ROBO4: variants seen among roughly 807,000 people sequenced by gnomAD.
ROBO4 encodes the protein roundabout homolog 4.
In ROBO4, 80 loss-of-function variants were observed where a neutral mutation model predicts 103.3. The observed-to-expected ratio is 0.77, with a 90% CI of 0.65 to 0.93. The LOEUF is 0.93. ROBO4 is among the 40% of genes least tolerant of loss of function. The pLI is 0.00. For missense variants in ROBO4, 1,333 were observed against 1,305.3 expected, an observed-to-expected ratio of 1.02 and a Z score of -0.33; for synonymous variants, 504 against 529.7, an observed-to-expected ratio of 0.95 and a Z score of 0.67.
intron 12 of ROBO4, among the ~76,000 whole-genome samples, chr11:124,889,781 G>A (rs986425153): frequency 6.6e-6 from 1 of 152,100 alleles, no homozygotes; most frequent in Non-Finnish European, 1.5e-5. Flanking sequence ...TTTAGAAGAG[G>A]AAGAAACAGC....
In ROBO4 at chr11:124,891,314, C is replaced by G; in HGVS notation, c.1933G>C (p.Ala645Pro). 5 of 1,517,496 alleles carry G rather than the reference C, an allele frequency of 3.3e-6. No homozygotes were observed. The highest frequency in any genetic ancestry group is 4.4e-6 in the Non-Finnish European group (5 of 1,134,802). 94.0% of individuals were successfully genotyped at this position (1,517,496 alleles called of 1,614,324 possible). ...CCCTCCTTACCCTGCTTCTTTTTGG[C>G]CTTCCAAGCCTCTGCAGGGGCCAGA... Reference protein sequence around the residue: ...LSLAPAEAWKAKKKQELQHAN... With the variant: ...LSLAPAEAWKPKKKQELQHAN... The change falls in exon 12 of 18, where the codon GCC (alanine) becomes CCC (proline). Residue 645 changes from alanine to proline, a missense_variant. Transcript: ENST00000306534.
intron 17 of ROBO4, 40 bp from the exon 18 acceptor site, chr11:124,884,953 C>G: frequency 6.2e-7 from 1 of 1,614,124 alleles, no homozygotes; most frequent in Non-Finnish European, 8.5e-7. Context: ...TCCTTATCTC[C>G]CTTCCCCAGT....
Position 124,896,186 on chromosome 11 carries a change from C to A in ROBO4, c.679+12G>T. On this transcript the variant is annotated intron_variant, in intron 4 of 17. Transcript: ENST00000306534. ...CAGCCTGGCTCTGATTGTAGCCCACCCCTGCCCTTACCCTGGATGGAAACC... is the reference window on the plus strand; with the variant it reads ...CAGCCTGGCTCTGATTGTAGCCCACACCTGCCCTTACCCTGGATGGAAACC... 2 of 1,613,160 alleles carry A rather than the reference C, an allele frequency of 1.2e-6. No individual in the cohort carries two copies. The highest frequency in any genetic ancestry group is 1.7e-6 in the Non-Finnish European group (2 of 1,179,684).
intron 16 of ROBO4, 54 bp from the exon 17 acceptor site, chr11:124,885,301 C>T (rs1946695110): frequency 1.4e-6 from 2 of 1,480,668 alleles, no homozygotes; most frequent in Admixed American, 1.7e-5. Context: ...CCCCTAGGGG[C>T]CAGTTTAGTA....
chr11:124,891,954 T>A, intron 10 of ROBO4, 152 bp from the exon 11 acceptor site: 1 of 900,154 alleles, frequency 1.1e-6, no homozygotes, highest in African/African-American at 1.6e-5. Flanking sequence ...ACAGACTCCT[T>A]AAGATCTCTG....
rs1946926322 is a variant in ROBO4, at chr11:124,897,864, G to A, written c.-69C>T. On this transcript the variant is annotated 5_prime_UTR_variant, in exon 1 of 18. Coordinates refer to ENST00000306534, the MANE Select transcript of ROBO4 (RefSeq NM_019055.6). Reference sequence around the variant, plus strand: ...GCTGCTCTGAGCTCACAGTGAAGAGGGAAGGAGGGGCGGGGTGGGCCGGTG... The same window carrying A: ...GCTGCTCTGAGCTCACAGTGAAGAGAGAAGGAGGGGCGGGGTGGGCCGGTG... The A allele has an allele frequency of 1.5e-6, 2 of 1,296,522 alleles. No individual in the cohort carries two copies. The highest frequency in any genetic ancestry group is 1.1e-6 in the Non-Finnish European group (1 of 916,314). 80.3% of individuals were successfully genotyped at this position (1,296,522 alleles called of 1,614,324 possible). A position where few individuals can be genotyped will look rare whatever the true frequency, so the allele number is the denominator to read the frequency against.
chr11:124,889,790 G>A (rs1946772794), intron 12 of ROBO4, among the ~76,000 whole-genome samples: 1 of 152,140 alleles, frequency 6.6e-6, no homozygotes. Context: ...GGAAGAAACA[G>A]CAGTAGAATC....
rs1229271758 is a variant in ROBO4 at position 124,894,355 on chromosome 11, GC to G, written c.1163del (p.Gly388AlafsTer12). 5.0e-6 allele frequency: 8 copies of G among 1,612,792 alleles called. No individual in the cohort carries two copies. In the Admixed American group the frequency reaches 1.3e-4, roughly 27 times the overall value. ...AGTTGGCTGGTGGCAGTGATGTGTT[GC>G]CCAGGCTCCAGACCTGAGGCACAAG... Reference protein sequence around the residue: ...IIRGYQVWSLGNTSLPPANWT... With the variant: ...IIRGYQVWSLXNTSLPPANWT... On this transcript the variant is annotated frameshift_variant, in exon 8 of 18. Transcript: ENST00000306534. LOFTEE classifies it high-confidence loss of function.
At chr11:124,885,303 A>G in intron 16 of ROBO4, 56 bp from the exon 17 acceptor site, 1 of 1,449,198 alleles carries the variant, frequency 6.9e-7, no homozygotes, top group Non-Finnish European at 9.5e-7. Flanking sequence ...CCTAGGGGCC[A>G]GTTTAGTACA....
At chr11:124,894,407 C>A in intron 7 of ROBO4, 38 bp from the exon 8 acceptor site, 1 of 1,584,996 alleles carries the variant, frequency 6.3e-7, no homozygotes, top group Non-Finnish European at 8.6e-7. Flanking sequence ...TCCCCAGGCA[C>A]CATCCCAGAA....
chr11:124,897,133 G>T lies in ROBO4; in HGVS notation c.199C>A (p.Leu67Met), dbSNP rs754124217. Residue 67 changes from leucine to methionine, a missense_variant, in exon 2 of 18, where the codon CTG becomes ATG. Coordinates refer to ENST00000306534, the MANE Select transcript of ROBO4 (RefSeq NM_019055.6). ...ACCATGCTCAGGGGCTGCCCATTCA[G>T]CAACCAGCGGATGGTGGGAGGTGGC... ...GQPPPTIRWL[L>M]NGQPLSMVPP... is the part of the protein sequence containing the mutation. 16 of 1,570,876 alleles carry T rather than the reference G, an allele frequency of 1.0e-5. No homozygotes were observed. In the South Asian group the frequency reaches 1.9e-4, roughly 19 times the overall value.
At position 124,891,204 on chromosome 11, in the gene ROBO4, G is replaced by A. The variant is rs752965494; in HGVS notation, c.1948+95C>T. On this transcript the variant is annotated intron_variant, in intron 12 of 17. Transcript: ENST00000306534. ...TGGAAGGAGGGTGTGGAGGTTGCAC[G>A]CCCCTCCAGGCTTTGAGGCCTTGTT... 2.9e-5 allele frequency: 40 copies of A among 1,384,856 alleles called. 1 individual carries two copies. Among genetic ancestry groups the A allele is most frequent in the South Asian group, 2.5e-4 (14 of 56,226 alleles). 85.8% of individuals were successfully genotyped at this position (1,384,856 alleles called of 1,614,324 possible).
intron 7 of ROBO4, 46 bp from the exon 8 acceptor site, chr11:124,894,415 G>A (rs750581147): frequency 1.3e-6 from 2 of 1,575,056 alleles, no homozygotes; most frequent in South Asian, 1.2e-5. Context: ...CACCATCCCA[G>A]AAGCCAAGCC....
At position 124,896,220 on chromosome 11, in the gene ROBO4, G is replaced by A. The variant is rs1034101412; in HGVS notation, c.657C>T (p.Arg219=). 8.7e-6 allele frequency: 14 copies of A among 1,613,956 alleles called. No individual in the cohort carries two copies. The highest frequency in any genetic ancestry group is 8.3e-5 in the Admixed American group (5 of 60,004). ...ATNSAGHRES[R]AARVSIQEPQ... is the part of the protein sequence containing the mutation. ...TACCCTGGATGGAAACCCGGGCTGC[G>A]CGGCTCTCCCTATGTCCTGCGCTGT... is the stretch of plus-strand genomic sequence containing the variant. The change falls in exon 4 of 18, where the codon CGC becomes CGT. Residue 219 remains arginine, a synonymous_variant. Coordinates refer to ENST00000306534, the MANE Select transcript of ROBO4 (RefSeq NM_019055.6).
chr11:124,891,289 C>G lies in ROBO4; in HGVS notation c.1948+10G>C. 6.6e-7 allele frequency: 1 copy of G among 1,514,956 alleles called. No homozygotes were observed. The highest frequency in any genetic ancestry group is 2.3e-5 in the Admixed American group (1 of 43,972). The allele number at this position is 1,514,956 out of a possible 1,614,324, so 93.8% of individuals were successfully genotyped here. ...CCAGCTCAGTCTATGTCTATTCTCC[C>G]CCTCCTTACCCTGCTTCTTTTTGGC... is the stretch of plus-strand genomic sequence containing the variant. On this transcript the variant is annotated intron_variant, in intron 12 of 17. Coordinates refer to ENST00000306534, the MANE Select transcript of ROBO4 (RefSeq NM_019055.6).
chr11:124,893,641 T>A (rs1354397748), intron 10 of ROBO4, 47 bp downstream of exon 10: 1 of 1,574,090 alleles, frequency 6.4e-7, no homozygotes, highest in Non-Finnish European at 8.7e-7. Context: ...AGCTCCACTG[T>A]CCCTTGCCAC....
chr11:124,896,147 C>A, intron 4 of ROBO4, 51 bp downstream of exon 4: 1 of 1,602,684 alleles, frequency 6.2e-7, no homozygotes, highest in Non-Finnish European at 8.5e-7. Context: ...ATACACCACC[C>A]CAACTGGAGC....
At position 124,891,540 on chromosome 11, in the gene ROBO4, G is replaced by C; in HGVS notation, c.1707C>G (p.Ser569Arg). ...RRSLLSWDSR[S>R]PGVPLLPDTS... ...TGTCTGGAAGCAGGGGCACGCCGGG[G>C]CTTCGGGAGTCCCAGGAGAGCACTG... is the stretch of plus-strand genomic sequence containing the variant. Residue 569 changes from serine to arginine, a missense_variant, in exon 12 of 18, where the codon AGC becomes AGG. Ser to Arg is a moderately radical substitution (Grantham distance 110). Coordinates refer to ENST00000306534, the MANE Select transcript of ROBO4 (RefSeq NM_019055.6). 6.2e-7 allele frequency: 1 copy of C among 1,614,220 alleles called. No homozygotes were observed. The highest frequency in any genetic ancestry group is 8.5e-7 in the Non-Finnish European group (1 of 1,180,044).
Position 124,885,247 on chromosome 11 carries a change from T to C in ROBO4, c.2795A>G (p.Asp932Gly). ...CCGTGGGGAGGGAGGTGATGAGGCA[T>C]CTGTCAGGGAGGGTAGAGGTGTCTG... ...EPREADCVFI[D>G]ASSPPSPRDE... Residue 932 changes from aspartate (D) to glycine (G), a missense_variant and splice_region_variant, in exon 17 of 18, where the codon GAT becomes GGT. Physicochemically the swap from Asp to Gly is moderately conservative, Grantham distance 94 (BLOSUM62 -1). Transcript: ENST00000306534. The C allele has an allele frequency of 6.2e-7, 1 of 1,609,476 alleles. No individual in the cohort carries two copies. The highest frequency in any genetic ancestry group is 8.5e-7 in the Non-Finnish European group (1 of 1,179,774).
Sources: gnomAD v4.1 joint callset for allele counts (sites outside exome capture counted in the v4.1 genomes callset) on GRCh38, gnomAD v4.1.1 for gene constraint, MANE v1.5 for transcripts, NCBI Gene and HGNC (gene_info 2026-07-23, HGNC 2026-07-21) for gene names.